The following ZCCHC14 variants were observed in gnomAD, a reference collection of about 807,000 sequenced individuals.
The protein encoded by ZCCHC14 is zinc finger CCHC domain-containing protein 14.
Under a neutral mutation model 85.0 loss-of-function variants are expected in ZCCHC14, and 16 were observed. That is an observed-to-expected ratio of 0.19 (90% CI 0.13 to 0.29). The LOEUF (loss-of-function observed/expected upper bound fraction) is 0.29, where lower values mean the gene tolerates loss of function less well. Among genes scored for constraint, ZCCHC14 ranks in the 10% least tolerant of loss-of-function variants. ZCCHC14 has a pLI of 1.00. For missense variants in ZCCHC14, 1,303 were observed against 1,443.5 expected, an observed-to-expected ratio of 0.90 and a Z score of 1.58; for synonymous variants, 775 against 630.7, an observed-to-expected ratio of 1.23 and a Z score of -3.43.
chr16:87,453,955 A>G (rs1267496399), intron 2 of ZCCHC14, among the ~76,000 whole-genome samples: 1 of 152,256 alleles, frequency 6.6e-6, no homozygotes, highest in East Asian at 1.9e-4. Context: ...TCTCAGCAGA[A>G]AAAGAGAAAT....
intron 1 of ZCCHC14, among the ~76,000 whole-genome samples, chr16:87,488,403 G>C (rs1447403536): frequency 1.3e-5 from 2 of 152,096 alleles, no homozygotes; most frequent in Non-Finnish European, 2.9e-5. Flanking sequence ...CATCAGTGTG[G>C]CTACTGGAAG....
intron 2 of ZCCHC14, among the ~76,000 whole-genome samples, chr16:87,444,286 T>C (rs568563408): frequency 6.6e-6 from 1 of 152,294 alleles, no homozygotes; most frequent in African/African-American, 2.4e-5. Flanking sequence ...AAGCAAGGAA[T>C]TGCTCATAGA....
intron 2 of ZCCHC14, among the ~76,000 whole-genome samples, chr16:87,436,885 T>C (rs1909951204): frequency 6.6e-6 from 1 of 152,206 alleles, no homozygotes; most frequent in Non-Finnish European, 1.5e-5. Flanking sequence ...GAGTAGCTTT[T>C]CCCCACATTT....
chr16:87,479,223 C>A (rs1015521815), intron 1 of ZCCHC14, among the ~76,000 whole-genome samples: 1 of 151,944 alleles, frequency 6.6e-6, no homozygotes, highest in Non-Finnish European at 1.5e-5. Flanking sequence ...TCAAGACAAC[C>A]TGACCAACAT....
chr16:87,423,240 C>G (rs564071538), intron 4 of ZCCHC14, among the ~76,000 whole-genome samples: 95 of 152,262 alleles, frequency 6.2e-4, no homozygotes, highest in African/African-American at 2.1e-3. Context: ...GTGGAACTTT[C>G]TGTTCAATGG....
intron 10 of ZCCHC14, 30 bp from the exon 11 acceptor site, chr16:87,413,225 C>G: frequency 6.7e-7 from 1 of 1,495,648 alleles, no homozygotes; most frequent in Non-Finnish European, 8.9e-7. Context: ...GAGCAGCCAT[C>G]AACTAGCGCC....
At chr16:87,444,802 G>C (rs901293488) in intron 2 of ZCCHC14, among the ~76,000 whole-genome samples, 2 of 152,184 alleles carry the variant, frequency 1.3e-5, no homozygotes, top group Admixed American at 6.5e-5. Flanking sequence ...ATGCACCCTG[G>C]GATTCCGAAC....
At chr16:87,446,473 G>C (rs1056715735) in intron 2 of ZCCHC14, among the ~76,000 whole-genome samples, 11 of 110,028 alleles carry the variant, frequency 1.0e-4, no homozygotes, top group African/African-American at 4.1e-4. Context: ...GACAGAGGGA[G>C]ACTCCATCTC....
At chr16:87,443,055 G>T (rs970642437) in intron 2 of ZCCHC14, among the ~76,000 whole-genome samples, 5 of 152,214 alleles carry the variant, frequency 3.3e-5, no homozygotes, top group African/African-American at 4.8e-5. Context: ...AAAAGCAAGA[G>T]AAATGTGAAA....
At position 87,412,948 on chromosome 16, in the gene ZCCHC14, G is replaced by A. The variant is rs1250119410; in HGVS notation, c.1773C>T (p.Asp591=). ...RRVEIHLESS[D]KEKPVMLLNH... ...TCAGCAGCATCACCGGCTTCTCCTT[G>A]TCAGAGCTCTCCAAGTGAATCTCCA... Residue 591 remains aspartate, a synonymous_variant, in exon 12 of 13, where the codon GAC becomes GAT. Coordinates refer to ENST00000671377, the MANE Select transcript of ZCCHC14 (RefSeq NM_015144.3). 6.2e-7 allele frequency: 1 copy of A among 1,608,038 alleles called. No individual in the cohort carries two copies. The highest frequency in any genetic ancestry group is 1.1e-5 in the South Asian group (1 of 90,120).
intron 3 of ZCCHC14, among the ~76,000 whole-genome samples, chr16:87,426,938 A>G (rs959997728): frequency 1.3e-5 from 2 of 152,264 alleles, no homozygotes; most frequent in Non-Finnish European, 2.9e-5. Flanking sequence ...AGTAGGAATG[A>G]AACGCTCAAC....
chr16:87,467,294 A>C (rs932271538), intron 1 of ZCCHC14: 68 of 1,578,002 alleles, frequency 4.3e-5, no homozygotes, highest in Non-Finnish European at 5.7e-5. Flanking sequence ...GGTTTTTATC[A>C]AGCCTCAATA....
chr16:87,478,589 A>G (rs753588580), intron 1 of ZCCHC14, among the ~76,000 whole-genome samples: 1 of 151,094 alleles, frequency 6.6e-6, no homozygotes, highest in East Asian at 1.9e-4. Flanking sequence ...CTGTGCTTTC[A>G]AAGTATCTCA....
At chr16:87,451,877 C>T (rs1402201813) in intron 2 of ZCCHC14, among the ~76,000 whole-genome samples, 1 of 152,232 alleles carries the variant, frequency 6.6e-6, no homozygotes, top group Admixed American at 6.5e-5. Context: ...ATTCAGATGT[C>T]TTGGTTTGAA....
chr16:87,477,139 AAAC>A (rs1252460319), intron 1 of ZCCHC14, among the ~76,000 whole-genome samples: 10 of 101,672 alleles, frequency 9.8e-5, no homozygotes, highest in Admixed American at 2.4e-4. Flanking sequence ...AAAAAAAAAA[AAAC>A]AAAACAAAAC....
intron 1 of ZCCHC14, among the ~76,000 whole-genome samples, chr16:87,484,496 T>C (rs1259878288): frequency 1.3e-5 from 2 of 152,240 alleles, no homozygotes; most frequent in African/African-American, 4.8e-5. Context: ...TCACGAAGCA[T>C]GGCTGTGTTA....
chr16:87,454,008 A>G (rs7200170), intron 2 of ZCCHC14, among the ~76,000 whole-genome samples: 151,521 of 152,346 alleles, frequency 0.99, 75,360 homozygotes, highest in Middle Eastern at 1. Flanking sequence ...TAAAAATACA[A>G]TATCTGGTAT....
chr16:87,412,365 A>T lies in ZCCHC14; in HGVS notation c.2356T>A (p.Ser786Thr). ...LLLSSSVPAD[S>T]AISGQTSCPN... The stretch of plus-strand genomic sequence containing the variant: ...CAGGAAGTTTGCCCAGAAATGGCAG[A>T]ATCAGCAGGAACAGATGACGACAGC... Residue 786 changes from serine (S) to threonine (T), a missense_variant, in exon 12 of 13, where the codon TCT (serine) becomes ACT (threonine). Coordinates refer to ENST00000671377, the MANE Select transcript of ZCCHC14 (RefSeq NM_015144.3). 1 of 1,614,186 alleles carries T rather than the reference A, an allele frequency of 6.2e-7. No homozygotes were observed. Among genetic ancestry groups the T allele is most frequent in the Non-Finnish European group, 8.5e-7 (1 of 1,180,046 alleles).
At chr16:87,422,935 G>A (rs887014942) in intron 4 of ZCCHC14, among the ~76,000 whole-genome samples, 3 of 152,132 alleles carry the variant, frequency 2.0e-5, no homozygotes, top group East Asian at 1.9e-4. Context: ...CCTCGAAGGC[G>A]TGGCACTGTC....
Sources: allele counts gnomAD v4.1 joint callset (sites outside exome capture counted in the v4.1 genomes callset), GRCh38; gene constraint gnomAD v4.1.1; transcripts MANE v1.5; gene names NCBI Gene and HGNC (gene_info 2026-07-23, HGNC 2026-07-21).